DDX60L: variants seen among roughly 807,000 people sequenced by gnomAD.
DDX60L encodes the protein DExD/H-box 60 like.
A neutral mutation model predicts 211.6 loss-of-function variants in DDX60L; 191 were observed. The ratio of observed to expected loss-of-function variants is 0.90; its 90% CI spans 0.80 to 1.02. The LOEUF (loss-of-function observed/expected upper bound fraction) is 1.02, where lower values mean the gene tolerates loss of function less well. Among genes scored for constraint, DDX60L ranks in the 50% least tolerant of loss-of-function variants. The pLI is 0.00. For missense variants in DDX60L, 2,007 were observed against 1,984.1 expected (o/e 1.01, Z -0.22); for synonymous variants, 706 against 694.1 (o/e 1.02, Z -0.27).
At chr4:168,468,239 C>T (rs757685935) in intron 4 of DDX60L, among the ~76,000 whole-genome samples, 3 of 151,754 alleles carry the variant, frequency 2.0e-5, no homozygotes, top group Middle Eastern at 3.2e-3. Context: ...ATACCAAAAA[C>T]ACTTAAAATA....
At chr4:168,381,341 A>T (rs1742917116) in intron 30 of DDX60L, among the ~76,000 whole-genome samples, 1 of 152,106 alleles carries the variant, frequency 6.6e-6, no homozygotes, top group Non-Finnish European at 1.5e-5. Context: ...GCAGTAGGTC[A>T]TAGCTCACTG....
intron 33 of DDX60L, among the ~76,000 whole-genome samples, chr4:168,376,578 C>T (rs1033455083): frequency 1.6e-4 from 25 of 152,254 alleles, no homozygotes; most frequent in Admixed American, 1.4e-3. Flanking sequence ...ACTTCGGACT[C>T]AGCTCCATCT....
chr4:168,411,515 G>A (rs1258688481), intron 22 of DDX60L, among the ~76,000 whole-genome samples: 1 of 152,162 alleles, frequency 6.6e-6, no homozygotes, highest in Admixed American at 6.5e-5. Context: ...CCAGTGGAGG[G>A]AGCATTTAGA....
At chr4:168,447,836 C>T (rs914259324) in intron 9 of DDX60L, among the ~76,000 whole-genome samples, 15 of 133,198 alleles carry the variant, frequency 1.1e-4, no homozygotes, top group African/African-American at 3.5e-4. Context: ...AATGAGATCA[C>T]ATGGACACAG....
chr4:168,432,502 T>C lies in DDX60L; in HGVS notation c.1469A>G (p.Gln490Arg). The C allele has an allele frequency of 6.3e-7, 1 of 1,586,800 alleles. No homozygotes were observed. The highest frequency in any genetic ancestry group is 8.6e-7 in the Non-Finnish European group (1 of 1,164,334). The change falls in exon 12 of 38, where the codon CAA becomes CGA. Residue 490 changes from glutamine (Q) to arginine (R), a missense_variant. Gln to Arg is a conservative substitution (Grantham distance 43). Coordinates refer to ENST00000682922, the MANE Select transcript of DDX60L (RefSeq NM_001012967.3). ...GTCATAGTCGTCACTAAGGAGTCTT[T>C]GAGCATGCCAGTGCAAAAGTTCATC... ...TSDELLHWHA[Q>R]RLLSDDYDRI...
At chr4:168,466,185 C>A (rs1294638435) in intron 4 of DDX60L, among the ~76,000 whole-genome samples, 2 of 150,850 alleles carry the variant, frequency 1.3e-5, no homozygotes, top group Non-Finnish European at 3.0e-5. Context: ...CCAAGAGAAA[C>A]AAATAAAGAC....
chr4:168,385,509 T>C (rs1743707747), intron 29 of DDX60L, among the ~76,000 whole-genome samples: 1 of 152,082 alleles, frequency 6.6e-6, no homozygotes, highest in Middle Eastern at 3.4e-3. Flanking sequence ...AAAGAGGGGG[T>C]CATGGGAACC....
chr4:168,471,564 A>G (rs1182040480), intron 4 of DDX60L, 183 bp downstream of exon 4: 6 of 462,924 alleles, frequency 1.3e-5, no homozygotes, highest in African/African-American at 4.1e-5. Context: ...AATTTAATAA[A>G]ATAAAAAATA....
chr4:168,430,769 G>A (rs1400943664), intron 12 of DDX60L, 131 bp from the exon 13 acceptor site: 7 of 602,664 alleles, frequency 1.2e-5, no homozygotes, highest in South Asian at 6.8e-5. Context: ...ATTACCATAC[G>A]CTAACAAAAT....
chr4:168,407,920 C>T (rs1748032130), intron 22 of DDX60L, among the ~76,000 whole-genome samples: 1 of 152,178 alleles, frequency 6.6e-6, no homozygotes, highest in South Asian at 2.1e-4. Context: ...GCAAGGTTTT[C>T]TTTTTATTCT....
intron 6 of DDX60L, among the ~76,000 whole-genome samples, chr4:168,456,531 T>G (rs1341391397): frequency 6.6e-6 from 1 of 152,058 alleles, no homozygotes; most frequent in Non-Finnish European, 1.5e-5. Context: ...ATCAATAATA[T>G]CAAAAATTTT....
At chr4:168,476,886 C>T (rs191532754) in intron 1 of DDX60L, among the ~76,000 whole-genome samples, 32 of 152,250 alleles carry the variant, frequency 2.1e-4, no homozygotes, top group East Asian at 5.8e-4. Context: ...CTTCTCTATT[C>T]TTCTCTTTTA....
At chr4:168,394,392 T>C (rs1487238546) in intron 28 of DDX60L, 73 bp downstream of exon 28, 3 of 1,242,614 alleles carry the variant, frequency 2.4e-6, no homozygotes, top group Admixed American at 5.9e-5. Context: ...TGGTATAATT[T>C]TTTACCTTTT....
Position 168,432,521 on chromosome 4 carries a change from G to A in DDX60L, c.1450C>T (p.Leu484Phe). 2 of 1,585,692 alleles carry A rather than the reference G, an allele frequency of 1.3e-6. No individual in the cohort carries two copies. Among genetic ancestry groups the A allele is most frequent in the Non-Finnish European group, 1.7e-6 (2 of 1,163,652 alleles). Residue 484 changes from leucine to phenylalanine, a missense_variant, in exon 12 of 38, where the codon CTT (leucine) becomes TTT (phenylalanine). Coordinates refer to ENST00000682922, the MANE Select transcript of DDX60L (RefSeq NM_001012967.3). ...AGTCTTTGAGCATGCCAGTGCAAAA[G>A]TTCATCAGATGTCTTTTGTTTAAAC... ...SLFKQKTSDE[L>F]LHWHAQRLLS... is the part of the protein sequence containing the mutation.
intron 27 of DDX60L, 67 bp downstream of exon 27, chr4:168,395,892 T>C: frequency 1.2e-5 from 13 of 1,064,934 alleles, no homozygotes; most frequent in Non-Finnish European, 1.8e-5. Flanking sequence ...TGTTCAAAGA[T>C]ATTAAACGAT....
At chr4:168,408,725 G>A (rs1454665164) in intron 22 of DDX60L, among the ~76,000 whole-genome samples, 2 of 152,144 alleles carry the variant, frequency 1.3e-5, no homozygotes, top group South Asian at 2.1e-4. Context: ...GCCTGGTGCC[G>A]ACAGCCTCTT....
intron 5 of DDX60L, among the ~76,000 whole-genome samples, chr4:168,459,270 G>A (rs1176598848): frequency 1.3e-5 from 2 of 152,052 alleles, no homozygotes; most frequent in Non-Finnish European, 2.9e-5. Context: ...AATATCACTT[G>A]AGCCCAGGAG....
chr4:168,412,896 T>A (rs1396846234), intron 22 of DDX60L, among the ~76,000 whole-genome samples: 1 of 152,218 alleles, frequency 6.6e-6, no homozygotes, highest in Admixed American at 6.5e-5. Flanking sequence ...ATCCAGAGAA[T>A]TATTCAGGAT....
At chr4:168,424,000 C>T (rs908255548) in intron 14 of DDX60L, among the ~76,000 whole-genome samples, 2 of 152,130 alleles carry the variant, frequency 1.3e-5, no homozygotes, top group Non-Finnish European at 2.9e-5. Context: ...TTAGACATAG[C>T]TGGGTAAGTA....
Sources: allele counts gnomAD v4.1 joint callset (sites outside exome capture counted in the v4.1 genomes callset), GRCh38; gene constraint gnomAD v4.1.1; transcripts MANE v1.5; gene names NCBI Gene and HGNC (gene_info 2026-07-23, HGNC 2026-07-21).